C4orf50: variants seen among roughly 807,000 people sequenced by gnomAD.
C4orf50 encodes chromosome 4 open reading frame 50.
In C4orf50, 80 loss-of-function variants were observed where a neutral mutation model predicts 77.2. That is an observed-to-expected ratio of 1.04 (90% CI 0.87 to 1.25). The LOEUF is 1.25. Among genes scored for constraint, C4orf50 ranks in the 50% most tolerant of loss-of-function variants. The pLI, the probability that C4orf50 is intolerant of heterozygous loss-of-function variation, is 0.00. For synonymous variants in C4orf50, 532 were observed against 465.3 expected (o/e 1.14, Z -1.84); for missense variants, 1,257 against 1,152.9 (o/e 1.09, Z -1.31).
intron 25 of C4orf50, among the ~76,000 whole-genome samples, chr4:6,002,243 T>G (rs548209925): frequency 6.6e-6 from 1 of 151,632 alleles, no homozygotes; most frequent in Admixed American, 6.6e-5. Flanking sequence ...GAAATCAGAG[T>G]GATGCGTCTG....
chr4:5,955,831 T>G (rs1718933377), downstream of C4orf50, among the ~76,000 whole-genome samples: 1 of 152,166 alleles, frequency 6.6e-6, no homozygotes, highest in African/African-American at 2.4e-5. The surrounding 1 kb of genome is among the most constrained non-coding windows in gnomAD (Gnocchi z 5.1). Context: ...TCATTGTCAG[T>G]GCAGGGCCCT....
chr4:5,994,449 A>G, exon 26 of C4orf50: 1 of 399,234 alleles, frequency 2.5e-6, no homozygotes, highest in Non-Finnish European at 4.4e-6. Flanking sequence ...AGGGGCAGTG[A>G]GTCACCCTGA....
chr4:5,975,813 G>T, intron 30 of C4orf50, 86 bp downstream of exon 8: 1 of 1,056,282 alleles, frequency 9.5e-7, no homozygotes. Flanking sequence ...ATACAATAGA[G>T]GTGGATTACA....
At chr4:5,931,151 T>C (rs562584298) in intron 7 of C4orf50, among the ~76,000 whole-genome samples, 238 of 152,294 alleles carry the variant, frequency 1.6e-3, no homozygotes, top group Non-Finnish European at 4.9e-4. Flanking sequence ...TCGCCAAGAC[T>C]GGGGCTGAGC....
At chr4:5,959,609 C>A in exon 34 of C4orf50, 5 of 1,613,438 alleles carry the variant, frequency 3.1e-6, no homozygotes, top group Non-Finnish European at 4.2e-6. Context: ...CAAGCGTGGA[C>A]ACCAAGGACA....
rs1209301984 is a variant in C4orf50 at position 5,970,116 on chromosome 4, A to G, written c.4105-2654T>C. Among the ~76,000 whole-genome samples, 3 of 151,628 alleles carry G rather than the reference A, an allele frequency of 2.0e-5. No individual in the cohort carries two copies. The highest frequency in any genetic ancestry group is 7.3e-5 in the African/African-American group (3 of 41,204). ...AAGGTGTCTCATTTCATGCTTGTGA[A>G]TATCAACAGCGTAGGTCCAGGCAAA... On this transcript the variant is annotated intron_variant, in intron 31 of 33. Transcript: ENST00000531445. The surrounding 1 kb of genome is among the most constrained non-coding windows in gnomAD (Gnocchi z 4.3).
chr4:5,915,744 C>T (rs985585201), intron 7 of C4orf50, among the ~76,000 whole-genome samples: 12 of 152,312 alleles, frequency 7.9e-5, no homozygotes, highest in Non-Finnish European at 4.4e-5. Context: ...AACACGTGCT[C>T]GTTTCAATAG....
chr4:5,965,774 A>C (rs980745682), intron 32 of C4orf50, among the ~76,000 whole-genome samples: 2 of 152,220 alleles, frequency 1.3e-5, no homozygotes, highest in African/African-American at 4.8e-5. Flanking sequence ...ATGTACTGAC[A>C]TCCTGCTATG....
rs1010323994 is a variant in C4orf50, at chr4:5,990,834, G to C, written c.1222-10C>G. 3 of 398,988 alleles carry C rather than the reference G, an allele frequency of 7.5e-6. No individual in the cohort carries two copies. Among genetic ancestry groups the C allele is most frequent in the Non-Finnish European group, 8.8e-6 (2 of 226,160 alleles). 24.7% of individuals were successfully genotyped at this position (398,988 alleles called of 1,614,324 possible). On this transcript the variant is annotated splice_polypyrimidine_tract_variant and intron_variant, in intron 27 of 33. Transcript: ENST00000531445. ...GCTCTGCCAGAGTAAGCTACAAATG[G>C]AGAGAGAAGATGAGGTGTGAAACAG...
intron 28 of C4orf50, among the ~76,000 whole-genome samples, chr4:5,985,127 A>G (rs1012157355): frequency 6.6e-6 from 1 of 152,280 alleles, no homozygotes; most frequent in East Asian, 1.9e-4. Context: ...CCTAAAATTC[A>G]GAATCCAATG....
Position 5,916,790 on chromosome 4 carries a change from C to T in C4orf50, c.*2475-18602G>A, listed in dbSNP as rs759546443. Among the ~76,000 whole-genome samples the T allele has an allele frequency of 2.0e-5, 3 of 152,096 alleles. No individual in the cohort carries two copies. The highest frequency in any genetic ancestry group is 4.8e-5 in the African/African-American group (2 of 41,414). On this transcript the variant is annotated intron_variant, in intron 7 of 7. Transcript: ENST00000324058. This position sits in a 1 kb window ranked among gnomAD's most constrained non-coding sequence, Gnocchi z 4.4. ...CTTCTGTGAAGAGCACAGAAGGCCT[C>T]GCAGATCTTCTGCTTAGAGGACAGG...
chr4:5,928,347 TAC>T (rs943846373), intron 7 of C4orf50, among the ~76,000 whole-genome samples: 6 of 134,044 alleles, frequency 4.5e-5, no homozygotes, highest in Admixed American at 1.4e-4. Context: ...TCCCCTCTCA[TAC>T]ACACACACAC....
chr4:5,968,624 A>G (rs946319990), intron 31 of C4orf50, among the ~76,000 whole-genome samples: 7 of 152,066 alleles, frequency 4.6e-5, no homozygotes, highest in African/African-American at 1.7e-4. Context: ...CAGCTGTTAA[A>G]TCCTGCTTTC....
At chr4:5,984,619 T>C (rs1393251541) in intron 28 of C4orf50, among the ~76,000 whole-genome samples, 1 of 152,122 alleles carries the variant, frequency 6.6e-6, no homozygotes, top group East Asian at 1.9e-4. Context: ...TGGGACATGG[T>C]AGAATACAGG....
intron 7 of C4orf50, among the ~76,000 whole-genome samples, chr4:5,931,269 C>G (rs1160397896): frequency 1.3e-5 from 2 of 152,178 alleles, no homozygotes; most frequent in African/African-American, 4.8e-5. Flanking sequence ...GAAAGAGAAC[C>G]AAGAGGCGGC....
rs80101121 is a variant in C4orf50 at position 5,988,720 on chromosome 4, G to A, written c.3326C>T (p.Thr1109Met). The change falls in exon 28 of 34, where the codon ACG becomes ATG. Residue 1109 changes from threonine (T) to methionine (M), a missense_variant. Transcript: ENST00000531445. Reference sequence around the variant, plus strand: ...TCCCCTCACCAAACGCCCCTGATCCGTGCTCCTCTGCAAGGTGACTTCCCT... The same window carrying A: ...TCCCCTCACCAAACGCCCCTGATCCATGCTCCTCTGCAAGGTGACTTCCCT... The A allele has an allele frequency of 7.5e-4, 1,145 of 1,536,014 alleles. 11 individuals carry two copies. In the African/African-American group the frequency reaches 0.014, roughly 19 times the overall value.
At chr4:5,999,767 G>T (rs1418747578) in intron 25 of C4orf50, among the ~76,000 whole-genome samples, 2 of 152,140 alleles carry the variant, frequency 1.3e-5, no homozygotes, top group African/African-American at 4.8e-5. Context: ...TGTCACCTCG[G>T]GGGCACTGAG....
At chr4:5,906,810 A>G (rs1716568753) in intron 7 of C4orf50, among the ~76,000 whole-genome samples, 1 of 152,246 alleles carries the variant, frequency 6.6e-6, no homozygotes, top group Non-Finnish European at 1.5e-5. Flanking sequence ...CTGTAGGTAC[A>G]CAGCTTCAAA....
At chr4:5,960,039 A>T (rs1457155405) in intron 33 of C4orf50, among the ~76,000 whole-genome samples, 2 of 152,214 alleles carry the variant, frequency 1.3e-5, no homozygotes, top group African/African-American at 2.4e-5. Context: ...AGCACATCTC[A>T]GGGCTTTCCC....
Sources: allele counts gnomAD v4.1 joint callset (sites outside exome capture counted in the v4.1 genomes callset), GRCh38; gene constraint gnomAD v4.1.1; non-coding constraint Gnocchi (gnomAD v3.1); transcripts MANE v1.5; gene names NCBI Gene and HGNC (gene_info 2026-07-23, HGNC 2026-07-21).